Variants in MSH3 observed in about 807,000 individuals in gnomAD.
MSH3 encodes the protein DNA mismatch repair protein Msh3.
Under a neutral mutation model 123.3 loss-of-function variants are expected in MSH3, and 106 were observed. The observed-to-expected ratio is 0.86, with a 90% CI of 0.73 to 1.01. The LOEUF (loss-of-function observed/expected upper bound fraction) is 1.01. Ranked by LOEUF, MSH3 falls within the 50% of genes least tolerant of loss-of-function variation. The pLI is 0.00. For synonymous variants in MSH3, 515 were observed against 481.4 expected (o/e 1.07, Z -0.91); for missense variants, 1,459 against 1,347.6 (o/e 1.08, Z -1.29).
At chr5:80,670,816 G>A (rs1408019310) in intron 4 of MSH3, among the ~76,000 whole-genome samples, 1 of 152,128 alleles carries the variant, frequency 6.6e-6, no homozygotes, top group South Asian at 2.1e-4. Flanking sequence ...TCAACTTGGT[G>A]TCTTAGTCTA....
At chr5:80,854,019 A>C in intron 20 of MSH3, 111 bp from the exon 21 acceptor site, 2 of 932,908 alleles carry the variant, frequency 2.1e-6, no homozygotes, top group Non-Finnish European at 3.3e-6. Flanking sequence ...TTATTGGCTC[A>C]AAATATATAG....
At chr5:80,770,653 T>C (rs184446988) in intron 15 of MSH3, among the ~76,000 whole-genome samples, 69 of 152,322 alleles carry the variant, frequency 4.5e-4, no homozygotes, top group Admixed American at 1.9e-3. Context: ...TGCCAGACTC[T>C]AGTCTTTCTA....
chr5:80,849,739 C>G (rs931632020), intron 20 of MSH3, among the ~76,000 whole-genome samples: 8 of 152,082 alleles, frequency 5.3e-5, no homozygotes, highest in Non-Finnish European at 1.2e-4. Flanking sequence ...CTTTTTCCTC[C>G]TTGGCCTCCC....
chr5:80,759,451 T>C (rs918957807), intron 12 of MSH3, among the ~76,000 whole-genome samples: 21 of 152,244 alleles, frequency 1.4e-4, no homozygotes, highest in Middle Eastern at 6.8e-3. Context: ...AAAGCCTCCA[T>C]GTCAGAGAGC....
At chr5:80,664,252 A>G (rs1412424370) in intron 2 of MSH3, among the ~76,000 whole-genome samples, 1 of 152,230 alleles carries the variant, frequency 6.6e-6, no homozygotes, top group Non-Finnish European at 1.5e-5. Context: ...GAATGAATAC[A>G]ATTTTGACAT....
intron 20 of MSH3, among the ~76,000 whole-genome samples, chr5:80,836,365 A>G (rs1301794519): frequency 6.6e-6 from 1 of 152,004 alleles, no homozygotes; most frequent in South Asian, 2.1e-4. Flanking sequence ...CTACAGAGAT[A>G]AATCAGTGAG....
intron 8 of MSH3, among the ~76,000 whole-genome samples, chr5:80,700,288 G>A (rs1464983901): frequency 6.6e-6 from 1 of 152,196 alleles, no homozygotes; most frequent in Non-Finnish European, 1.5e-5. Flanking sequence ...GGCTGAGGCA[G>A]GAGAATTGTT....
chr5:80,837,043 T>G (rs1745527284), intron 20 of MSH3, among the ~76,000 whole-genome samples: 2 of 152,260 alleles, frequency 1.3e-5, no homozygotes, highest in South Asian at 4.1e-4. Context: ...GAGAGAGGTG[T>G]AGGATCAGAC....
chr5:80,765,664 G>A (rs892029573), intron 13 of MSH3, among the ~76,000 whole-genome samples: 1 of 152,104 alleles, frequency 6.6e-6, no homozygotes, highest in Non-Finnish European at 1.5e-5. Context: ...GTCTTCTAGA[G>A]CCTTCTAACT....
chr5:80,829,690 T>C (rs1456645652), intron 20 of MSH3, among the ~76,000 whole-genome samples: 1 of 152,226 alleles, frequency 6.6e-6, no homozygotes, highest in East Asian at 1.9e-4. Context: ...TATTGGCCTG[T>C]AGTTTTCTTA....
At chr5:80,764,987 A>G (rs1371937813) in intron 13 of MSH3, among the ~76,000 whole-genome samples, 1 of 152,106 alleles carries the variant, frequency 6.6e-6, no homozygotes, top group Non-Finnish European at 1.5e-5. Context: ...TCTGTGCTCA[A>G]GCTCTCCCAG....
intron 20 of MSH3, 120 bp downstream of exon 20, chr5:80,813,861 TTAAA>T (rs947372660): frequency 8.8e-7 from 1 of 1,139,124 alleles, no homozygotes; most frequent in Admixed American, 1.7e-5. Flanking sequence ...ATTTAGGAGC[TTAAA>T]TAAATTATTT....
intron 22 of MSH3, among the ~76,000 whole-genome samples, chr5:80,869,099 A>G (rs993072829): frequency 6.6e-5 from 10 of 152,320 alleles, no homozygotes; most frequent in Admixed American, 3.3e-4. Flanking sequence ...GTTTTAGTCT[A>G]TTCCAATCTG....
At chr5:80,748,777 A>G (rs1051824779) in intron 12 of MSH3, among the ~76,000 whole-genome samples, 14 of 151,832 alleles carry the variant, frequency 9.2e-5, no homozygotes, top group Middle Eastern at 3.4e-3. Context: ...TGAAAATGCA[A>G]ATTCTGCTTG....
At chr5:80,739,220 A>G (rs1743568503) in intron 10 of MSH3, among the ~76,000 whole-genome samples, 1 of 152,228 alleles carries the variant, frequency 6.6e-6, no homozygotes, top group Non-Finnish European at 1.5e-5. Context: ...ATATCTAAAC[A>G]CATAGGTAAC....
At chr5:80,740,010 A>G (rs373430278) in intron 10 of MSH3, among the ~76,000 whole-genome samples, 2 of 152,352 alleles carry the variant, frequency 1.3e-5, no homozygotes, top group South Asian at 2.1e-4. Context: ...CTTTTGTTAA[A>G]TAATTTAGTG....
chr5:80,847,858 A>C (rs1210349705), intron 20 of MSH3, among the ~76,000 whole-genome samples: 2 of 152,148 alleles, frequency 1.3e-5, no homozygotes, highest in Non-Finnish European at 2.9e-5. Context: ...TTTTAAATCT[A>C]TTTGTTTGTA....
chr5:80,736,605 C>T (rs1296852251), intron 10 of MSH3, among the ~76,000 whole-genome samples: 1 of 152,136 alleles, frequency 6.6e-6, no homozygotes, highest in African/African-American at 2.4e-5. Context: ...ATGAGAGTGG[C>T]TCACTGTGCC....
At chr5:80,658,998 C>G (rs960582156) in intron 2 of MSH3, among the ~76,000 whole-genome samples, 1 of 152,124 alleles carries the variant, frequency 6.6e-6, no homozygotes, top group African/African-American at 2.4e-5. Context: ...CTTTGGGAGG[C>G]CAAGGCAGGT....
Sources: gnomAD v4.1 joint callset for allele counts (sites outside exome capture counted in the v4.1 genomes callset) on GRCh38, gnomAD v4.1.1 for gene constraint, MANE v1.5 for transcripts, NCBI Gene and HGNC (gene_info 2026-07-23, HGNC 2026-07-21) for gene names.